IGSF5: variants seen among roughly 807,000 people sequenced by gnomAD.
IGSF5 encodes immunoglobulin superfamily member 5.
In IGSF5, 41 loss-of-function variants were observed where a neutral mutation model predicts 39.4. The observed-to-expected ratio is 1.04, with a 90% CI of 0.81 to 1.35. The LOEUF (loss-of-function observed/expected upper bound fraction) is 1.35. IGSF5 is among the 40% of genes most tolerant of loss of function. The probability of loss-of-function intolerance (pLI) is 0.00; values close to 1 mark genes in which losing one functional copy is unlikely to be tolerated. For synonymous variants in IGSF5, 183 were observed against 175.3 expected, an observed-to-expected ratio of 1.04 and a Z score of -0.34; for missense variants, 487 against 494.6, an observed-to-expected ratio of 0.98 and a Z score of 0.15.
At chr21:39,729,517 A>T in the IGSF5 span, 1 of 152,280 alleles carries the variant, frequency 6.6e-6, no homozygotes, top group African/African-American at 2.4e-5. Flanking sequence ...ATCAGGCATT[A>T]TGCAGAGCAC....
At chr21:39,769,491 A>AAAAAAAT (rs2080103650) in intron 3 of IGSF5, among the ~76,000 whole-genome samples, 2 of 140,632 alleles carry the variant, frequency 1.4e-5, no homozygotes, top group Non-Finnish European at 1.6e-5. Flanking sequence ...AAAAAAAAAA[A>AAAAAAAT]GAGAAAAGTA....
chr21:39,753,138 GTCTT>G lies in IGSF5; in HGVS notation c.100+6843_100+6846del, dbSNP rs577536149. Among the ~76,000 whole-genome samples the G allele has an allele frequency of 1.6e-3, 246 of 152,232 alleles. 1 individual carries two copies. The highest frequency in any genetic ancestry group is 6.8e-3 in the Middle Eastern group (2 of 294). ...TTAGAGTTTTGGATCATAGATTTAAGTCTTTCATCTATCTTGAGTTAGTTTTTGT... is the reference window on the plus strand; with the variant it reads ...TTAGAGTTTTGGATCATAGATTTAAGTCATCTATCTTGAGTTAGTTTTTGT... On this transcript the variant is annotated intron_variant, in intron 2 of 8. Coordinates refer to ENST00000380588, the MANE Select transcript of IGSF5 (RefSeq NM_001080444.2).
intron 7 of IGSF5, among the ~76,000 whole-genome samples, chr21:39,792,775 T>C (rs960352255): frequency 2.0e-5 from 3 of 152,096 alleles, no homozygotes; most frequent in African/African-American, 7.2e-5. Flanking sequence ...GATAATGCAG[T>C]GAGGGCATCT....
intron 2 of IGSF5, among the ~76,000 whole-genome samples, chr21:39,764,785 C>T (rs7510334): frequency 0.66 from 100,746 of 152,102 alleles, 34,541 homozygotes; most frequent in Admixed American, 0.76. Flanking sequence ...TGCAGTGTCA[C>T]TGATGGGGTG....
chr21:39,742,891 C>T (rs1246709157), upstream of IGSF5, among the ~76,000 whole-genome samples: 1 of 152,100 alleles, frequency 6.6e-6, no homozygotes, highest in Non-Finnish European at 1.5e-5. Flanking sequence ...AGGCCTAAGA[C>T]AGACTTTTGA....
chr21:39,751,010 G>A (rs2080003084), intron 2 of IGSF5, among the ~76,000 whole-genome samples: 1 of 152,208 alleles, frequency 6.6e-6, no homozygotes, highest in African/African-American at 2.4e-5. Context: ...AGGCCTCTGC[G>A]TTCCCAGCCC....
chr21:39,737,996 G>A, the IGSF5 span, among the ~76,000 whole-genome samples: 6 of 152,272 alleles, frequency 3.9e-5, no homozygotes, highest in East Asian at 1.2e-3. Context: ...AAGGGTGATG[G>A]GAGTTATGAG....
At chr21:39,788,569 T>C (rs2086939305) in intron 6 of IGSF5, among the ~76,000 whole-genome samples, 1 of 152,188 alleles carries the variant, frequency 6.6e-6, no homozygotes, top group African/African-American at 2.4e-5. Context: ...ATTTCTGGGA[T>C]AGTGGAGAGC....
chr21:39,743,790 A>G (rs541541385), upstream of IGSF5, among the ~76,000 whole-genome samples: 42 of 152,324 alleles, frequency 2.8e-4, no homozygotes, highest in African/African-American at 8.2e-4. Context: ...GTCTAGCTGT[A>G]AGATGGTGTT....
chr21:39,746,364 T>C (rs570473630), intron 2 of IGSF5, 66 bp downstream of exon 2: 103 of 646,858 alleles, frequency 1.6e-4, no homozygotes, highest in Admixed American at 4.5e-4. Context: ...CAAGATTTAA[T>C]AGAGTGAAAT....
At chr21:39,792,454 A>G (rs1485408333) in intron 7 of IGSF5, among the ~76,000 whole-genome samples, 2 of 152,178 alleles carry the variant, frequency 1.3e-5, no homozygotes, top group African/African-American at 4.8e-5. Flanking sequence ...GGTGCAGCAC[A>G]CCAACAAGGC....
the IGSF5 span, among the ~76,000 whole-genome samples, chr21:39,739,317 A>T: frequency 6.6e-6 from 1 of 151,700 alleles, no homozygotes; most frequent in Non-Finnish European, 1.5e-5. Flanking sequence ...GCTCCCATAC[A>T]AAAGGAGGAG....
At chr21:39,720,492 A>G in the IGSF5 span, among the ~76,000 whole-genome samples, 1 of 152,202 alleles carries the variant, frequency 6.6e-6, no homozygotes, top group Non-Finnish European at 1.5e-5. Flanking sequence ...TTACATAAGT[A>G]TGGTACGTGA....
chr21:39,797,527 T>A (rs903044073), intron 8 of IGSF5, among the ~76,000 whole-genome samples: 4 of 151,946 alleles, frequency 2.6e-5, no homozygotes, highest in African/African-American at 7.3e-5. Context: ...CCTTTAAAAA[T>A]TTTTTTTGAG....
At chr21:39,749,488 C>T (rs2079994286) in intron 2 of IGSF5, among the ~76,000 whole-genome samples, 1 of 152,234 alleles carries the variant, frequency 6.6e-6, no homozygotes, top group South Asian at 2.1e-4. Context: ...GCTGGGATTA[C>T]AGGCATGAGC....
chr21:39,793,501 C>A (rs753617476), intron 7 of IGSF5, 33 bp from the exon 8 acceptor site: 3 of 1,579,274 alleles, frequency 1.9e-6, no homozygotes, highest in East Asian at 4.5e-5. Context: ...GTTTTTGCCA[C>A]TTAATGACTC....
upstream of IGSF5, among the ~76,000 whole-genome samples, chr21:39,744,538 C>A (rs373244524): frequency 1.4e-4 from 21 of 152,284 alleles, no homozygotes; most frequent in African/African-American, 5.1e-4. Context: ...TTACCTCAAT[C>A]ACCTGGGAGG....
intron 2 of IGSF5, 99 bp from the exon 3 acceptor site, chr21:39,765,436 C>T: frequency 8.9e-7 from 1 of 1,120,360 alleles, no homozygotes; most frequent in Non-Finnish European, 1.3e-6. Context: ...GGATGGACAA[C>T]CTGGGGGTTA....
chr21:39,791,788 CA>C (rs1207387173), intron 6 of IGSF5: 1 of 477,226 alleles, frequency 2.1e-6, no homozygotes, highest in African/African-American at 1.9e-5. Flanking sequence ...GTCCATGGAC[CA>C]GGATAAACTT....
Sources: allele counts gnomAD v4.1 joint callset (sites outside exome capture counted in the v4.1 genomes callset), GRCh38; gene constraint gnomAD v4.1.1; transcripts MANE v1.5; gene names NCBI Gene and HGNC (gene_info 2026-07-23, HGNC 2026-07-21).